Variants in MAPK4 observed in about 807,000 individuals in gnomAD.
MAPK4 encodes the protein Erk3-related.
MAPK4 carries 22 observed loss-of-function variants against 47.7 expected under a neutral mutation model. The observed-to-expected ratio is 0.46, with a 90% CI of 0.33 to 0.66. MAPK4 has a LOEUF of 0.66. MAPK4 is among the 30% of genes least tolerant of loss of function. The pLI is 0.02. For synonymous variants in MAPK4, 390 were observed against 365.7 expected (o/e 1.07, Z -0.76); for missense variants, 736 against 831.7 (o/e 0.88, Z 1.42).
rs1455897882 is a variant in MAPK4 at position 50,600,372 on chromosome 18, T to C, written c.-871+40129T>C. 2.6e-5 allele frequency among the ~76,000 whole-genome samples: 4 copies of C among 152,318 alleles called. No homozygotes were observed. In the East Asian group the frequency reaches 7.7e-4, roughly 29 times the overall value. ...ACATAGCTCCAGGGGCAGGTCTGATTGGTTGAAGGCATTCCTCCTCCTCAT... is the reference window on the plus strand; with the variant it reads ...ACATAGCTCCAGGGGCAGGTCTGATCGGTTGAAGGCATTCCTCCTCCTCAT... On this transcript the variant is annotated intron_variant, in intron 1 of 5. Transcript: ENST00000400384.
chr18:50,593,612 C>G (rs935272939), intron 1 of MAPK4, among the ~76,000 whole-genome samples: 3 of 152,176 alleles, frequency 2.0e-5, no homozygotes, highest in Non-Finnish European at 4.4e-5. Flanking sequence ...GGAATTATTA[C>G]TGTTGTTGTT....
intron 5 of MAPK4, among the ~76,000 whole-genome samples, chr18:50,727,315 G>A (rs969472624): frequency 6.6e-6 from 1 of 152,156 alleles, no homozygotes; most frequent in African/African-American, 2.4e-5. Context: ...CCACTGCCGG[G>A]GGAATGTGAC....
intron 1 of MAPK4, among the ~76,000 whole-genome samples, chr18:50,608,571 G>A (rs1568043413): frequency 6.6e-6 from 1 of 152,082 alleles, no homozygotes; most frequent in Admixed American, 6.5e-5. Flanking sequence ...AGATTTTGGG[G>A]GCCATCAGAT....
Position 50,562,898 on chromosome 18 carries a change from G to A in MAPK4, c.-871+2655G>A, listed in dbSNP as rs73959967. Among the ~76,000 whole-genome samples the A allele has an allele frequency of 1.0e-3, 154 of 152,196 alleles. 1 individual carries two copies. The highest frequency in any genetic ancestry group is 3.5e-3 in the African/African-American group (147 of 41,530). ...ACATAAAAAATATTCTCACCACATG[G>A]AACTGTGGTTTTTCTCTTATCAGAC... is the stretch of plus-strand genomic sequence containing the variant. On this transcript the variant is annotated intron_variant, in intron 1 of 5. Coordinates refer to ENST00000400384, the MANE Select transcript of MAPK4 (RefSeq NM_002747.4).
intron 2 of MAPK4, among the ~76,000 whole-genome samples, chr18:50,670,450 A>G (rs1395215955): frequency 6.6e-6 from 1 of 152,048 alleles, no homozygotes; most frequent in Non-Finnish European, 1.5e-5. Context: ...ATATCTCATT[A>G]GGATGCCTTA....
intron 1 of MAPK4, among the ~76,000 whole-genome samples, chr18:50,662,809 G>A (rs1488671243): frequency 1.3e-5 from 2 of 152,214 alleles, no homozygotes; most frequent in African/African-American, 2.4e-5. Context: ...ATTCTCCACC[G>A]TAATTTGCAC....
intron 1 of MAPK4, among the ~76,000 whole-genome samples, chr18:50,571,163 T>C (rs1281186966): frequency 6.6e-6 from 1 of 152,152 alleles, no homozygotes; most frequent in Non-Finnish European, 1.5e-5. Flanking sequence ...GACCACCGTA[T>C]ACCATGGAGC....
At chr18:50,591,360 A>G (rs1937515153) in intron 1 of MAPK4, among the ~76,000 whole-genome samples, 1 of 152,004 alleles carries the variant, frequency 6.6e-6, no homozygotes, top group South Asian at 2.1e-4. Context: ...TTTTCATTCT[A>G]CATTCTTCCA....
rs373280046 is a variant in MAPK4 at position 50,694,357 on chromosome 18, C to T, written c.547-20722C>T. 3.9e-5 allele frequency among the ~76,000 whole-genome samples: 6 copies of T among 152,312 alleles called. No homozygotes were observed. In the East Asian group the frequency reaches 5.8e-4, roughly 15 times the overall value. ...TAATCCCTATCCCATGGGCCAAACA[C>T]GTCCCCCTCACCTCAGAAGTCCCCT... On this transcript the variant is annotated intron_variant, in intron 2 of 5. Transcript: ENST00000400384.
At chr18:50,582,515 CTG>C (rs2042354787) in intron 1 of MAPK4, among the ~76,000 whole-genome samples, 2 of 152,250 alleles carry the variant, frequency 1.3e-5, no homozygotes, top group Non-Finnish European at 2.9e-5. Context: ...GGTTCTCAAA[CTG>C]TAGTCTGCAG....
At position 50,678,153 on chromosome 18, in the gene MAPK4, G is replaced by A. The variant is rs1908381207; in HGVS notation, c.546+13649G>A. Among the ~76,000 whole-genome samples the A allele has an allele frequency of 6.6e-6, 1 of 152,212 alleles. No individual in the cohort carries two copies. The highest frequency in any genetic ancestry group is 2.4e-5 in the African/African-American group (1 of 41,462). On this transcript the variant is annotated intron_variant, in intron 2 of 5. Coordinates refer to ENST00000400384, the MANE Select transcript of MAPK4 (RefSeq NM_002747.4). The surrounding 1 kb of genome is among the most constrained non-coding windows in gnomAD (Gnocchi z 4.2). ...AAATTGTATTGGAGTGGTTGACCAT[G>A]TATTAGTTTCTCTTCTAAGATACCG... is the stretch of plus-strand genomic sequence containing the variant.
chr18:50,706,619 A>C (rs993713089), intron 2 of MAPK4, among the ~76,000 whole-genome samples: 5 of 152,190 alleles, frequency 3.3e-5, no homozygotes, highest in African/African-American at 1.2e-4. Flanking sequence ...CATTTGCACA[A>C]GGACTGGCCT....
At chr18:50,723,532 G>A (rs564632323) in intron 4 of MAPK4, among the ~76,000 whole-genome samples, 2 of 152,314 alleles carry the variant, frequency 1.3e-5, no homozygotes, top group Non-Finnish European at 2.9e-5. Flanking sequence ...TAGGCCCTAG[G>A]GTAGAAGTTA....
chr18:50,578,770 A>C (rs1301944304), intron 1 of MAPK4, among the ~76,000 whole-genome samples: 1 of 152,178 alleles, frequency 6.6e-6, no homozygotes, highest in Non-Finnish European at 1.5e-5. Flanking sequence ...CTAAAAGGAC[A>C]CCACAGTACT....
Position 50,621,040 on chromosome 18 carries a change from T to C in MAPK4, c.-870-42049T>C, listed in dbSNP as rs146680115. On this transcript the variant is annotated intron_variant, in intron 1 of 5. Transcript: ENST00000400384. Reference sequence around the variant, plus strand: ...GTGCTTAACTTTATCGATCATTTGCTACATTACTGGGCACTGTGCTCAGGG... The same window carrying C: ...GTGCTTAACTTTATCGATCATTTGCCACATTACTGGGCACTGTGCTCAGGG... Among the ~76,000 whole-genome samples the C allele has an allele frequency of 2.6e-5, 4 of 152,356 alleles. No homozygotes were observed. The East Asian group carries it at 7.7e-4, about 29-fold the overall frequency.
chr18:50,573,998 C>G (rs540891458), intron 1 of MAPK4, among the ~76,000 whole-genome samples: 7 of 152,302 alleles, frequency 4.6e-5, no homozygotes, highest in African/African-American at 1.7e-4. Context: ...ACCTGCTTCC[C>G]TAGTATTCCA....
intron 1 of MAPK4, among the ~76,000 whole-genome samples, chr18:50,600,661 T>C (rs140607377): frequency 2.0e-4 from 30 of 152,328 alleles, no homozygotes; most frequent in African/African-American, 7.0e-4. Flanking sequence ...GAAACTGTAA[T>C]AAATGTACTT....
At chr18:50,604,600 A>G (rs924531356) in intron 1 of MAPK4, among the ~76,000 whole-genome samples, 1 of 152,248 alleles carries the variant, frequency 6.6e-6, no homozygotes. Context: ...AAAGAGACTG[A>G]TACTTGTAAA....
intron 1 of MAPK4, among the ~76,000 whole-genome samples, chr18:50,618,129 C>T (rs778260016): frequency 2.0e-5 from 3 of 152,080 alleles, no homozygotes; most frequent in Non-Finnish European, 4.4e-5. Context: ...AAAGTTTAGC[C>T]CCCTTCCCCA....
Sources: gnomAD v4.1 joint callset for allele counts (sites outside exome capture counted in the v4.1 genomes callset) on GRCh38, gnomAD v4.1.1 for gene constraint, Gnocchi (gnomAD v3.1) non-coding constraint, MANE v1.5 for transcripts, NCBI Gene and HGNC (gene_info 2026-07-23, HGNC 2026-07-21) for gene names.